AGT: variants seen among roughly 807,000 people sequenced by gnomAD.
The protein encoded by AGT is angiotensinogen, also known as alpha-1 antiproteinase, antitrypsin.
Under a neutral mutation model 28.1 loss-of-function variants are expected in AGT, and 26 were observed. The ratio of observed to expected loss-of-function variants is 0.92; its 90% CI spans 0.68 to 1.28. The LOEUF (loss-of-function observed/expected upper bound fraction) is 1.28, where lower values mean the gene tolerates loss of function less well. Among genes scored for constraint, AGT ranks in the 50% most tolerant of loss-of-function variants. The pLI is 0.00. For synonymous variants in AGT, 259 were observed against 259.6 expected (o/e 1.00, Z 0.02); for missense variants, 596 against 592.3 (o/e 1.01, Z -0.06).
At chr1:230,745,360 C>T (rs1322863043) in intron 1 of AGT, among the ~76,000 whole-genome samples, 1 of 152,194 alleles carries the variant, frequency 6.6e-6, no homozygotes, top group Non-Finnish European at 1.5e-5. Flanking sequence ...CACCGATTAT[C>T]CTGATTCACA....
At chr1:230,733,425 C>T (rs754715559) in intron 1 of AGT, among the ~76,000 whole-genome samples, 45 of 152,068 alleles carry the variant, frequency 3.0e-4, no homozygotes, top group Non-Finnish European at 3.5e-4. Context: ...CATCAAAGGG[C>T]GATGCTTATG....
At chr1:230,708,961 G>A (rs903923169) in intron 2 of AGT, among the ~76,000 whole-genome samples, 2 of 152,134 alleles carry the variant, frequency 1.3e-5, no homozygotes, top group Non-Finnish European at 2.9e-5. Flanking sequence ...CCCCATCCTC[G>A]TTCCTTGCCC....
At chr1:230,727,383 C>T (rs1663962996) in intron 1 of AGT, among the ~76,000 whole-genome samples, 1 of 152,204 alleles carries the variant, frequency 6.6e-6, no homozygotes, top group Non-Finnish European at 1.5e-5. Context: ...AGGAAAATAT[C>T]CAACTGCCCT....
intron 1 of AGT, among the ~76,000 whole-genome samples, chr1:230,744,235 T>A (rs889381941): frequency 6.6e-6 from 1 of 152,232 alleles, no homozygotes; most frequent in Non-Finnish European, 1.5e-5. Flanking sequence ...GTAACTATTG[T>A]TCATCCTGAG....
chr1:230,729,745 G>A (rs1467191234), intron 1 of AGT, among the ~76,000 whole-genome samples: 1 of 151,930 alleles, frequency 6.6e-6, no homozygotes, highest in Non-Finnish European at 1.5e-5. Flanking sequence ...GTTAGAATGA[G>A]CTGTGTGTGA....
intron 1 of AGT, among the ~76,000 whole-genome samples, chr1:230,723,112 A>C (rs560714995): frequency 8.4e-4 from 128 of 152,252 alleles, no homozygotes; most frequent in African/African-American, 2.8e-3. Context: ...AGTTTGCATG[A>C]GATCTGATGG....
intron 1 of AGT, among the ~76,000 whole-genome samples, chr1:230,736,678 TC>T (rs1664163069): frequency 6.6e-6 from 1 of 152,184 alleles, no homozygotes; most frequent in African/African-American, 2.4e-5. Context: ...ACCTCAGCTT[TC>T]TTTTCCCCCT....
At chr1:230,730,407 A>T (rs1664031987) in intron 1 of AGT, among the ~76,000 whole-genome samples, 1 of 151,960 alleles carries the variant, frequency 6.6e-6, no homozygotes, top group Non-Finnish European at 1.5e-5. Context: ...CTCACCTCTC[A>T]CTAGACAAGA....
rs312262682 is a variant in AGT, at chr1:230,714,069, G to C, written c.-31+17C>G. On this transcript the variant is annotated intron_variant, in intron 1 of 4. Coordinates refer to ENST00000366667, the MANE Select transcript of AGT (RefSeq NM_001384479.1). ...AGAGACAAGACCGAGAAGGAGCTGA[G>C]GGGGCCCCCGGCTTACCTTCTGCTG... 6.6e-6 allele frequency: 1 copy of C among 152,186 alleles called. No individual in the cohort carries two copies. Among genetic ancestry groups the C allele is most frequent in the African/African-American group, 2.4e-5 (1 of 41,436 alleles). 9.4% of individuals were successfully genotyped at this position (152,186 alleles called of 1,614,324 possible).
upstream of AGT, chr1:230,714,262 GCGA>G (rs1206435979): frequency 6.6e-6 from 1 of 152,372 alleles, no homozygotes; most frequent in East Asian, 1.9e-4. Context: ...GATGCCAGAA[GCGA>G]CACTCACGCT....
intron 1 of AGT, among the ~76,000 whole-genome samples, chr1:230,722,051 T>C (rs1191940679): frequency 6.6e-6 from 1 of 151,634 alleles, no homozygotes; most frequent in Non-Finnish European, 1.5e-5. Flanking sequence ...CAGGGAAAAA[T>C]GGTTTTGTGG....
At chr1:230,731,108 G>C (rs775211909) in intron 1 of AGT, among the ~76,000 whole-genome samples, 1 of 152,090 alleles carries the variant, frequency 6.6e-6, no homozygotes, top group African/African-American at 2.4e-5. Flanking sequence ...CTCCCTTTTT[G>C]TTCCTTTAAA....
intron 1 of AGT, among the ~76,000 whole-genome samples, chr1:230,736,066 G>A (rs1007813067): frequency 1.6e-4 from 25 of 151,992 alleles, no homozygotes; most frequent in African/African-American, 3.4e-4. Flanking sequence ...TATATTTCTT[G>A]GTGCAGTTGA....
At chr1:230,734,546 T>C (rs1664121691) in intron 1 of AGT, among the ~76,000 whole-genome samples, 1 of 152,142 alleles carries the variant, frequency 6.6e-6, no homozygotes, top group Non-Finnish European at 1.5e-5. Flanking sequence ...TTGTAAATTT[T>C]ATGTTACATG....
Position 230,706,125 on chromosome 1 carries a change from G to A in AGT, c.905C>T (p.Pro302Leu). ...WVDNSTSVSV[P>L]MLSGMGTFQH... ...GAAGGTGCCCATGCCAGAGAGCATG[G>A]GAACAGACACTGAGGTGCTGTTGTC... Residue 302 changes from proline (P) to leucine (L), a missense_variant, in exon 3 of 5, where the codon CCC becomes CTC. By Grantham distance (98) the Pro-to-Leu change is moderately conservative (BLOSUM62 -3). Transcript: ENST00000366667. The A allele has an allele frequency of 6.2e-7, 1 of 1,614,114 alleles. No individual in the cohort carries two copies. The highest frequency in any genetic ancestry group is 1.1e-5 in the South Asian group (1 of 91,072).
chr1:230,729,851 C>T (rs1180663246), intron 1 of AGT, among the ~76,000 whole-genome samples: 2 of 152,070 alleles, frequency 1.3e-5, no homozygotes, highest in African/African-American at 4.8e-5. Context: ...CCTGTCTTCT[C>T]TATCTTATCT....
chr1:230,740,614 A>G (rs1664229985), intron 1 of AGT, among the ~76,000 whole-genome samples: 1 of 152,170 alleles, frequency 6.6e-6, no homozygotes, highest in African/African-American at 2.4e-5. Flanking sequence ...GCGAGGTGGT[A>G]ACTGGGGACT....
chr1:230,739,869 C>T (rs1664215607), intron 1 of AGT, among the ~76,000 whole-genome samples: 1 of 152,108 alleles, frequency 6.6e-6, no homozygotes, highest in Non-Finnish European at 1.5e-5. Context: ...CTGATCCAGA[C>T]CCCAGGAGAG....
At chr1:230,709,560 T>C (rs962744293) in intron 2 of AGT, among the ~76,000 whole-genome samples, 1 of 152,190 alleles carries the variant, frequency 6.6e-6, no homozygotes, top group South Asian at 2.1e-4. Flanking sequence ...CCCCAGTTCC[T>C]GACCTTCTCA....
Sources: allele counts gnomAD v4.1 joint callset (sites outside exome capture counted in the v4.1 genomes callset), GRCh38; gene constraint gnomAD v4.1.1; transcripts MANE v1.5; gene names NCBI Gene and HGNC (gene_info 2026-07-23, HGNC 2026-07-21).